Variants in ADAM12 observed in about 807,000 individuals in gnomAD.
ADAM12 encodes the protein disintegrin and metalloproteinase domain-containing protein 12.
Under a neutral mutation model 106.4 loss-of-function variants are expected in ADAM12, and 70 were observed. The ratio of observed to expected loss-of-function variants is 0.66; its 90% CI spans 0.54 to 0.80. ADAM12 has a LOEUF of 0.80. ADAM12 is among the 30% of genes least tolerant of loss of function. ADAM12 has a pLI of 0.00. For synonymous variants in ADAM12, 420 were observed against 433.5 expected, an observed-to-expected ratio of 0.97 and a Z score of 0.39; for missense variants, 1,010 against 1,171.9, an observed-to-expected ratio of 0.86 and a Z score of 2.02.
chr10:126,031,045 C>A (rs1953962914), intron 21 of ADAM12, among the ~76,000 whole-genome samples: 1 of 152,118 alleles, frequency 6.6e-6, no homozygotes, highest in African/African-American at 2.4e-5. Flanking sequence ...ACTGGTAACT[C>A]CAGGCTACGG....
chr10:126,354,000 C>A (rs1206080101), intron 1 of ADAM12, among the ~76,000 whole-genome samples: 7 of 151,600 alleles, frequency 4.6e-5, no homozygotes, highest in Non-Finnish European at 1.0e-4. Context: ...ACTTGAGATG[C>A]CATATTTGAA....
intron 3 of ADAM12, among the ~76,000 whole-genome samples, chr10:126,212,037 T>C (rs897549961): frequency 6.6e-6 from 1 of 152,220 alleles, no homozygotes; most frequent in Non-Finnish European, 1.5e-5. Context: ...GGTTTCATCA[T>C]TGCCTGGAAA....
chr10:126,210,771 T>A (rs1254574388), intron 3 of ADAM12, among the ~76,000 whole-genome samples: 1 of 152,066 alleles, frequency 6.6e-6, no homozygotes, highest in East Asian at 1.9e-4. Context: ...GAGGGCTGGG[T>A]TGACCCAGAA....
At chr10:126,210,278 G>A (rs1590624739) in intron 3 of ADAM12, among the ~76,000 whole-genome samples, 1 of 152,176 alleles carries the variant, frequency 6.6e-6, no homozygotes, top group Non-Finnish European at 1.5e-5. Context: ...TGTGTCAGGC[G>A]CCGTGCTGGT....
At chr10:126,252,794 G>T (rs552599768) in intron 3 of ADAM12, among the ~76,000 whole-genome samples, 2 of 151,936 alleles carry the variant, frequency 1.3e-5, no homozygotes, top group African/African-American at 4.8e-5. Context: ...ACCCAGTCAA[G>T]TTGACACCTA....
chr10:126,022,548 C>T (rs535093986), intron 21 of ADAM12, among the ~76,000 whole-genome samples: 1 of 152,168 alleles, frequency 6.6e-6, no homozygotes, highest in Non-Finnish European at 1.5e-5. Flanking sequence ...GGTGTGGAAC[C>T]CATGATGCAA....
At chr10:126,103,707 C>T (rs1955711592) in intron 8 of ADAM12, among the ~76,000 whole-genome samples, 1 of 152,220 alleles carries the variant, frequency 6.6e-6, no homozygotes, top group Non-Finnish European at 1.5e-5. Flanking sequence ...AGCTCACGGG[C>T]CTCTGCTGTA....
intron 2 of ADAM12, among the ~76,000 whole-genome samples, chr10:126,295,916 C>CACACACACACACACATAA (rs1960357151): frequency 1.3e-5 from 2 of 151,348 alleles, no homozygotes; most frequent in Non-Finnish European, 3.0e-5. Flanking sequence ...CACAAACACA[C>CACACACACACACACATAA]ACACACACAC....
At chr10:126,117,505 A>C (rs369821583) in intron 6 of ADAM12, among the ~76,000 whole-genome samples, 3 of 152,338 alleles carry the variant, frequency 2.0e-5, no homozygotes, top group African/African-American at 4.8e-5. Context: ...CATCACGTGG[A>C]GGAAGGCCCA....
intron 3 of ADAM12, among the ~76,000 whole-genome samples, chr10:126,206,368 T>A (rs1957794429): frequency 6.6e-6 from 1 of 152,172 alleles, no homozygotes; most frequent in Non-Finnish European, 1.5e-5. Flanking sequence ...TGGGACACTA[T>A]CCTGCTTAGT....
chr10:126,037,559 T>C (rs1954082882), intron 20 of ADAM12, among the ~76,000 whole-genome samples: 1 of 152,208 alleles, frequency 6.6e-6, no homozygotes, highest in African/African-American at 2.4e-5. Flanking sequence ...CTGTTATAAT[T>C]TGGACTCTTG....
intron 3 of ADAM12, among the ~76,000 whole-genome samples, chr10:126,188,151 C>G (rs1421162407): frequency 6.6e-6 from 1 of 152,250 alleles, no homozygotes; most frequent in Non-Finnish European, 1.5e-5. Flanking sequence ...CCTCCCAACT[C>G]AGGTTCCCAT....
intron 4 of ADAM12, among the ~76,000 whole-genome samples, chr10:126,148,644 T>G (rs1044402523): frequency 5.3e-5 from 8 of 152,172 alleles, no homozygotes; most frequent in Admixed American, 4.6e-4. Flanking sequence ...TTCTGGAGAT[T>G]TGGGGGTGCC....
At chr10:126,192,287 T>C (rs58549024) in intron 3 of ADAM12, among the ~76,000 whole-genome samples, 7,612 of 152,246 alleles carry the variant, frequency 0.05, 626 homozygotes, top group African/African-American at 0.17. Context: ...ATAAAATGTG[T>C]AGAATAGTGC....
chr10:126,235,588 G>A (rs980146713), intron 3 of ADAM12, among the ~76,000 whole-genome samples: 3 of 152,116 alleles, frequency 2.0e-5, no homozygotes, highest in East Asian at 3.9e-4. Flanking sequence ...CGGGGCTGTT[G>A]GAAAGGCAGC....
chr10:126,074,899 G>A (rs774934002), intron 11 of ADAM12, among the ~76,000 whole-genome samples: 7 of 152,122 alleles, frequency 4.6e-5, no homozygotes, highest in East Asian at 1.9e-4. Context: ...CCAGCATGCC[G>A]CCTGCCTTCC....
intron 1 of ADAM12, among the ~76,000 whole-genome samples, chr10:126,367,580 CAAA>C (rs1855955838): frequency 7.8e-6 from 1 of 128,994 alleles, no homozygotes; most frequent in African/African-American, 2.7e-5. Flanking sequence ...AAATAAATAA[CAAA>C]AGAAAATCTT....
At chr10:126,271,014 C>A (rs1054102715) in intron 3 of ADAM12, among the ~76,000 whole-genome samples, 1 of 152,288 alleles carries the variant, frequency 6.6e-6, no homozygotes, top group South Asian at 2.1e-4. Flanking sequence ...CACTGGTCAG[C>A]GGCAAACATC....
In ADAM12 at chr10:126,064,643, G is replaced by A; in HGVS notation, c.1609+163C>T. The A allele has an allele frequency of 2.6e-6, 2 of 758,882 alleles. No homozygotes were observed. Among genetic ancestry groups the A allele is most frequent in the African/African-American group, 1.8e-5 (1 of 57,080 alleles). 47.0% of individuals were successfully genotyped at this position (758,882 alleles called of 1,614,324 possible). ...GCACCCCATGCCCAGTGCGGCCTCA[G>A]ACCCTCCCTGGGAGTCAATCACTCC... On this transcript the variant is annotated intron_variant, in intron 14 of 22. Transcript: ENST00000448723. The surrounding 1 kb of genome is among the most constrained non-coding windows in gnomAD (Gnocchi z 4.4).
Sources: gnomAD v4.1 joint callset for allele counts (sites outside exome capture counted in the v4.1 genomes callset) on GRCh38, gnomAD v4.1.1 for gene constraint, Gnocchi (gnomAD v3.1) non-coding constraint, MANE v1.5 for transcripts, NCBI Gene and HGNC (gene_info 2026-07-23, HGNC 2026-07-21) for gene names.